SDCCAG8: variants seen among roughly 807,000 people sequenced by gnomAD.
SDCCAG8 encodes SHH signaling and ciliogenesis regulator SDCCAG8, also known as serologically defined colon cancer antigen 8.
In SDCCAG8, 74 loss-of-function variants were observed where a neutral mutation model predicts 101.8. The ratio of observed to expected loss-of-function variants is 0.73; its 90% CI spans 0.60 to 0.88. The LOEUF (loss-of-function observed/expected upper bound fraction) is 0.88. Ranked by LOEUF, SDCCAG8 falls within the 40% of genes least tolerant of loss-of-function variation. The pLI is 0.00. For missense variants in SDCCAG8, 787 were observed against 822.6 expected, an observed-to-expected ratio of 0.96 and a Z score of 0.53; for synonymous variants, 281 against 292.9, an observed-to-expected ratio of 0.96 and a Z score of 0.41.
intron 9 of SDCCAG8, among the ~76,000 whole-genome samples, chr1:243,317,667 T>C (rs2073378341): frequency 6.6e-6 from 1 of 152,218 alleles, no homozygotes; most frequent in African/African-American, 2.4e-5. Flanking sequence ...AACTCAAACA[T>C]ACTTAATGAG....
At chr1:243,337,663 G>T (rs2075103443) in intron 10 of SDCCAG8, among the ~76,000 whole-genome samples, 2 of 152,154 alleles carry the variant, frequency 1.3e-5, no homozygotes, top group African/African-American at 4.8e-5. Flanking sequence ...ATAATGTTTA[G>T]AAAATATCTA....
intron 12 of SDCCAG8, among the ~76,000 whole-genome samples, chr1:243,375,679 A>G (rs1405029024): frequency 6.6e-6 from 1 of 152,174 alleles, no homozygotes; most frequent in East Asian, 1.9e-4. Context: ...ATGCAGGTTA[A>G]TAGTGTGCTT....
At chr1:243,301,998 A>T (rs1407915645) in intron 6 of SDCCAG8, among the ~76,000 whole-genome samples, 1 of 152,202 alleles carries the variant, frequency 6.6e-6, no homozygotes, top group African/African-American at 2.4e-5. Context: ...TTGTAATTCC[A>T]GCACTTTGGG....
At chr1:243,413,563 A>G (rs1319901730) in intron 13 of SDCCAG8, among the ~76,000 whole-genome samples, 1 of 152,186 alleles carries the variant, frequency 6.6e-6, no homozygotes, top group African/African-American at 2.4e-5. Context: ...TGATGGTGAG[A>G]TTGACAACCC....
chr1:243,300,053 C>T (rs2071349562), intron 6 of SDCCAG8, among the ~76,000 whole-genome samples: 1 of 151,818 alleles, frequency 6.6e-6, no homozygotes, highest in South Asian at 2.1e-4. Flanking sequence ...GTAGTAGAGA[C>T]GGGGTTTCAC....
intron 13 of SDCCAG8, among the ~76,000 whole-genome samples, chr1:243,412,710 C>T (rs1451123457): frequency 1.3e-5 from 2 of 152,064 alleles, no homozygotes; most frequent in Admixed American, 1.3e-4. Flanking sequence ...TTGCATACCC[C>T]TGCTCTAGAG....
intron 16 of SDCCAG8, among the ~76,000 whole-genome samples, chr1:243,470,872 C>T (rs1661113150): frequency 6.6e-6 from 1 of 152,170 alleles, no homozygotes; most frequent in Non-Finnish European, 1.5e-5. Flanking sequence ...TTGTTTTTCT[C>T]ATCTTCTTCT....
chr1:243,489,001 G>A lies in SDCCAG8; in HGVS notation c.1986-13G>A, dbSNP rs1196906126. ...GTTATCCCTCTTTAATTCTGCGGTG[G>A]ATTTTTCTCCAGGCTAAGGCAGCTG... On this transcript the variant is annotated splice_polypyrimidine_tract_variant and intron_variant, in intron 16 of 17. Transcript: ENST00000366541. 2 of 1,613,168 alleles carry A rather than the reference G, an allele frequency of 1.2e-6. No individual in the cohort carries two copies. The highest frequency in any genetic ancestry group is 1.7e-6 in the Non-Finnish European group (2 of 1,180,034).
chr1:243,267,143 T>TTAAA, intron 1 of SDCCAG8: 1 of 155,124 alleles, frequency 6.4e-6, no homozygotes, highest in Non-Finnish European at 1.4e-5. Flanking sequence ...CTCGGGAGGC[T>TTAAA]GAGGCAGGAG....
chr1:243,365,814 T>A (rs1369166089), intron 12 of SDCCAG8, among the ~76,000 whole-genome samples: 3 of 152,160 alleles, frequency 2.0e-5, no homozygotes, highest in Non-Finnish European at 4.4e-5. Context: ...TTTTTGGCTT[T>A]GAAGAGTATG....
At chr1:243,471,521 G>A (rs766455984) in intron 16 of SDCCAG8, among the ~76,000 whole-genome samples, 6 of 151,938 alleles carry the variant, frequency 3.9e-5, no homozygotes, top group Non-Finnish European at 7.4e-5. Flanking sequence ...CCTCTCCCTC[G>A]GCCCTCCACG....
chr1:243,440,269 G>A (rs1427639295), intron 16 of SDCCAG8, among the ~76,000 whole-genome samples: 1 of 151,702 alleles, frequency 6.6e-6, no homozygotes, highest in African/African-American at 2.4e-5. Flanking sequence ...TAAGTTCTTC[G>A]GTTTTATTCT....
intron 16 of SDCCAG8, among the ~76,000 whole-genome samples, chr1:243,456,759 C>T (rs944161183): frequency 9.9e-5 from 15 of 152,170 alleles, no homozygotes; most frequent in African/African-American, 3.6e-4. Flanking sequence ...TTTATCTCTT[C>T]GTTCTTGTGC....
chr1:243,475,952 C>T, intron 16 of SDCCAG8: 1 of 985,424 alleles, frequency 1.0e-6, no homozygotes, highest in Non-Finnish European at 1.2e-6. Flanking sequence ...TGGGCAGGCT[C>T]CATCTCGTCT....
intron 6 of SDCCAG8, among the ~76,000 whole-genome samples, chr1:243,295,665 C>G (rs1457146752): frequency 6.6e-6 from 1 of 152,166 alleles, no homozygotes; most frequent in South Asian, 2.1e-4. Context: ...ATGCAGTCCT[C>G]CCTCCCCAAA....
chr1:243,451,501 C>G (rs1198126188), intron 16 of SDCCAG8, among the ~76,000 whole-genome samples: 1 of 152,106 alleles, frequency 6.6e-6, no homozygotes, highest in African/African-American at 2.4e-5. Context: ...ATTCTTCACC[C>G]CCTTCTATTA....
At chr1:243,295,488 G>A (rs1461471434) in intron 6 of SDCCAG8, among the ~76,000 whole-genome samples, 2 of 151,968 alleles carry the variant, frequency 1.3e-5, no homozygotes, top group Non-Finnish European at 2.9e-5. Context: ...CACCCGCCTC[G>A]GCCTCCCAAA....
chr1:243,310,157 C>T (rs967179869), intron 8 of SDCCAG8, among the ~76,000 whole-genome samples: 4 of 151,962 alleles, frequency 2.6e-5, no homozygotes, highest in Non-Finnish European at 5.9e-5. Context: ...CCACCACGCC[C>T]GGCCCGACTG....
chr1:243,485,683 A>T (rs1664639335), intron 16 of SDCCAG8, among the ~76,000 whole-genome samples: 1 of 151,794 alleles, frequency 6.6e-6, no homozygotes, highest in Admixed American at 6.6e-5. Flanking sequence ...AGGTGGGTGA[A>T]TCATGAGGTC....
Sources: allele counts gnomAD v4.1 joint callset (sites outside exome capture counted in the v4.1 genomes callset), GRCh38; gene constraint gnomAD v4.1.1; transcripts MANE v1.5; gene names NCBI Gene and HGNC (gene_info 2026-07-23, HGNC 2026-07-21).